The following SLC24A3 variants were observed in gnomAD, a reference collection of about 807,000 sequenced individuals.
SLC24A3 encodes the protein solute carrier family 24 member 3, also known as sodium/potassium/calcium exchanger 3.
A neutral mutation model predicts 75.8 loss-of-function variants in SLC24A3; 28 were observed. The observed-to-expected ratio is 0.37, with a 90% CI of 0.27 to 0.51. The LOEUF (loss-of-function observed/expected upper bound fraction) is 0.51. Ranked by LOEUF, SLC24A3 falls within the 20% of genes least tolerant of loss-of-function variation. SLC24A3 has a pLI of 0.94. For missense variants in SLC24A3, 663 were observed against 847.8 expected, an observed-to-expected ratio of 0.78 and a Z score of 2.71; for synonymous variants, 372 against 334.1, an observed-to-expected ratio of 1.11 and a Z score of -1.24.
chr20:19,464,237 C>T (rs1363816596), intron 2 of SLC24A3, among the ~76,000 whole-genome samples: 1 of 152,264 alleles, frequency 6.6e-6, no homozygotes, highest in African/African-American at 2.4e-5. Context: ...ACTCCTGCCA[C>T]ACAGCTCTGG....
intron 1 of SLC24A3, among the ~76,000 whole-genome samples, chr20:19,259,809 T>G (rs1176542098): frequency 6.6e-6 from 1 of 152,232 alleles, no homozygotes; most frequent in Non-Finnish European, 1.5e-5. Context: ...ATTTCACCAT[T>G]AACATTTCAC....
At chr20:19,343,075 AAAAAAAAAAG>A (rs1453793357) in intron 2 of SLC24A3, among the ~76,000 whole-genome samples, 142 of 149,184 alleles carry the variant, frequency 9.5e-4, no homozygotes, top group African/African-American at 3.3e-3. Context: ...ATCTCAAAAA[AAAAAAAAAAG>A]AAAAAAGAAA....
At chr20:19,688,060 C>G (rs2032700056) in intron 12 of SLC24A3, among the ~76,000 whole-genome samples, 1 of 152,160 alleles carries the variant, frequency 6.6e-6, no homozygotes, top group African/African-American at 2.4e-5. Flanking sequence ...CGTGGGGTCT[C>G]CATGTCATTC....
Position 19,556,634 on chromosome 20 carries a change from T to C in SLC24A3, c.349-23366T>C, listed in dbSNP as rs58737610. Among the ~76,000 whole-genome samples, 1,405 of 151,064 alleles carry C rather than the reference T, an allele frequency of 9.3e-3. 55 individuals carry two copies. The highest frequency in any genetic ancestry group is 0.067 in the Admixed American group (1,017 of 15,164). ...AGCTTGGTGGCTCAAACAACTCAGA[T>C]TTAAGTCACTGCTACAAACGGCTTG... is the stretch of plus-strand genomic sequence containing the variant. On this transcript the variant is annotated intron_variant, in intron 3 of 16. Transcript: ENST00000328041.
chr20:19,230,246 C>G (rs1981982038), intron 1 of SLC24A3, among the ~76,000 whole-genome samples: 1 of 152,156 alleles, frequency 6.6e-6, no homozygotes, highest in African/African-American at 2.4e-5. Flanking sequence ...TTACTGTGAG[C>G]ATCGCTTATG....
At chr20:19,650,536 C>T (rs957379747) in intron 6 of SLC24A3, among the ~76,000 whole-genome samples, 1 of 152,274 alleles carries the variant, frequency 6.6e-6, no homozygotes, top group Admixed American at 6.5e-5. Flanking sequence ...TGCTCAACAT[C>T]TCTAAATAAC....
intron 2 of SLC24A3, among the ~76,000 whole-genome samples, chr20:19,488,986 T>A (rs1988168191): frequency 6.6e-6 from 1 of 152,160 alleles, no homozygotes; most frequent in Admixed American, 6.5e-5. Flanking sequence ...GTTCAACCTG[T>A]AGATTATTTA....
intron 12 of SLC24A3, among the ~76,000 whole-genome samples, chr20:19,690,635 C>T (rs1257568873): frequency 6.6e-6 from 1 of 152,154 alleles, no homozygotes; most frequent in African/African-American, 2.4e-5. Flanking sequence ...CTTATCAGCA[C>T]ATTGCGGGAT....
intron 2 of SLC24A3, among the ~76,000 whole-genome samples, chr20:19,352,512 C>A (rs1985593384): frequency 6.6e-6 from 1 of 152,158 alleles, no homozygotes; most frequent in Non-Finnish European, 1.5e-5. Context: ...ATTATTGAAA[C>A]AGCCCTTAAA....
chr20:19,430,469 G>A (rs987260395), intron 2 of SLC24A3, among the ~76,000 whole-genome samples: 6 of 152,138 alleles, frequency 3.9e-5, no homozygotes, highest in Non-Finnish European at 8.8e-5. Flanking sequence ...GGACCAGGGA[G>A]GGAAGGAGAG....
At chr20:19,296,847 T>TA (rs1329999122) in intron 2 of SLC24A3, among the ~76,000 whole-genome samples, 1 of 152,174 alleles carries the variant, frequency 6.6e-6, no homozygotes, top group African/African-American at 2.4e-5. Flanking sequence ...TAATTAGAAG[T>TA]AAAACACTTC....
chr20:19,636,492 A>G (rs1244900210), intron 6 of SLC24A3, among the ~76,000 whole-genome samples: 1 of 152,240 alleles, frequency 6.6e-6, no homozygotes, highest in Non-Finnish European at 1.5e-5. Context: ...ATGTCTTTCA[A>G]CTTTCACAAG....
intron 8 of SLC24A3, 58 bp downstream of exon 8, chr20:19,665,947 A>G: frequency 1.3e-6 from 2 of 1,561,406 alleles, no homozygotes; most frequent in Non-Finnish European, 1.8e-6. Flanking sequence ...AGCCAAATAT[A>G]TTGAAGACCA....
At chr20:19,217,251 C>T (rs906519111) in intron 1 of SLC24A3, among the ~76,000 whole-genome samples, 5 of 152,160 alleles carry the variant, frequency 3.3e-5, no homozygotes, top group African/African-American at 1.2e-4. Context: ...GCATAGATAC[C>T]AGCAGTCATT....
chr20:19,657,728 T>C (rs570870696), intron 7 of SLC24A3, among the ~76,000 whole-genome samples: 2 of 152,180 alleles, frequency 1.3e-5, no homozygotes, highest in Admixed American at 6.5e-5. Flanking sequence ...AAAGTACCTC[T>C]CACAATGTCT....
At chr20:19,352,318 C>A (rs1985588448) in intron 2 of SLC24A3, among the ~76,000 whole-genome samples, 1 of 152,144 alleles carries the variant, frequency 6.6e-6, no homozygotes, top group Non-Finnish European at 1.5e-5. Context: ...CAGAGAGTCT[C>A]AGCTTTAGCC....
At chr20:19,224,526 GT>G (rs1981824865) in intron 1 of SLC24A3, among the ~76,000 whole-genome samples, 1 of 152,136 alleles carries the variant, frequency 6.6e-6, no homozygotes, top group Admixed American at 6.5e-5. Flanking sequence ...TGCATGGCTT[GT>G]TAACAATTTC....
intron 1 of SLC24A3, among the ~76,000 whole-genome samples, chr20:19,223,373 A>G (rs372424145): frequency 9.2e-5 from 14 of 152,210 alleles, no homozygotes; most frequent in African/African-American, 2.9e-4. Context: ...GCAAAACTAT[A>G]GTATAATATC....
intron 1 of SLC24A3, among the ~76,000 whole-genome samples, chr20:19,226,952 G>T (rs1283965741): frequency 1.3e-5 from 2 of 152,136 alleles, no homozygotes; most frequent in Admixed American, 1.3e-4. Context: ...CTTGTCAGAA[G>T]TCTTTGACAA....
Sources: gnomAD v4.1 joint callset for allele counts (sites outside exome capture counted in the v4.1 genomes callset) on GRCh38, gnomAD v4.1.1 for gene constraint, MANE v1.5 for transcripts, NCBI Gene and HGNC (gene_info 2026-07-23, HGNC 2026-07-21) for gene names.